The following ZBTB7C variants were observed in gnomAD, a reference collection of about 807,000 sequenced individuals.
The protein encoded by ZBTB7C is zinc finger and BTB domain-containing protein 7C.
Under a neutral mutation model 25.7 loss-of-function variants are expected in ZBTB7C, and 8 were observed. The observed-to-expected ratio is 0.31, with a 90% CI of 0.18 to 0.56. ZBTB7C has a LOEUF of 0.56. ZBTB7C is among the 20% of genes least tolerant of loss of function. The pLI, the probability that ZBTB7C is intolerant of heterozygous loss-of-function variation, is 0.91. For synonymous variants in ZBTB7C, 394 were observed against 369.0 expected (o/e 1.07, Z -0.78); for missense variants, 824 against 855.2 (o/e 0.96, Z 0.46).
At chr18:48,240,635 C>A (rs1452992305) in intron 2 of ZBTB7C, among the ~76,000 whole-genome samples, 1 of 152,100 alleles carries the variant, frequency 6.6e-6, no homozygotes, top group African/African-American at 2.4e-5. Flanking sequence ...CTTTTTCAGA[C>A]AAACAAATGA....
At chr18:48,038,520 C>G (rs1289842577) in intron 4 of ZBTB7C, among the ~76,000 whole-genome samples, 2 of 151,596 alleles carry the variant, frequency 1.3e-5, no homozygotes, top group African/African-American at 4.8e-5. Context: ...CCCAGAAGAA[C>G]AGGTCTCATG....
chr18:48,320,569 C>A (rs1356680521), intron 2 of ZBTB7C, among the ~76,000 whole-genome samples: 5 of 152,134 alleles, frequency 3.3e-5, no homozygotes, highest in Admixed American at 3.3e-4. Context: ...GCGGCCAAAC[C>A]CCGGATATCA....
chr18:48,071,649 C>A (rs986872881), intron 3 of ZBTB7C, among the ~76,000 whole-genome samples: 3 of 152,124 alleles, frequency 2.0e-5, no homozygotes, highest in Non-Finnish European at 4.4e-5. Context: ...AGTACATAAT[C>A]AAAAATAATT....
rs550644590 is a variant in ZBTB7C at position 48,292,369 on chromosome 18, C to T, written c.-79+45805G>A. On this transcript the variant is annotated intron_variant, in intron 2 of 4. Coordinates refer to ENST00000590800, the MANE Select transcript of ZBTB7C (RefSeq NM_001318841.2). ...AAGCCACTTCCCCAAAGTCCTACCA[C>T]TACTAAGGATAGAGTGAGGTTCGAG... 3.5e-4 allele frequency among the ~76,000 whole-genome samples: 54 copies of T among 152,320 alleles called. No individual in the cohort carries two copies. In the South Asian group the frequency reaches 0.01, roughly 29 times the overall value.
At chr18:48,355,450 C>A (rs1440377309) in intron 1 of ZBTB7C, among the ~76,000 whole-genome samples, 1 of 152,222 alleles carries the variant, frequency 6.6e-6, no homozygotes, top group Non-Finnish European at 1.5e-5. Context: ...GAACTCCTCA[C>A]CCGAGCACTC....
chr18:48,377,577 A>G (rs1297660477), intron 1 of ZBTB7C, among the ~76,000 whole-genome samples: 1 of 152,216 alleles, frequency 6.6e-6, no homozygotes, highest in East Asian at 1.9e-4. Flanking sequence ...ATGACTAAAC[A>G]TTTGCAACTA....
intron 3 of ZBTB7C, among the ~76,000 whole-genome samples, chr18:48,091,442 G>A (rs1268382975): frequency 5.9e-5 from 9 of 151,964 alleles, no homozygotes; most frequent in African/African-American, 2.2e-4. Flanking sequence ...TTTAAACTAA[G>A]TTTTTGAAAT....
chr18:48,256,264 C>A (rs1319701021), intron 2 of ZBTB7C, among the ~76,000 whole-genome samples: 1 of 151,704 alleles, frequency 6.6e-6, no homozygotes, highest in African/African-American at 2.4e-5. Flanking sequence ...TTAAAAGCAA[C>A]CAGGGTGAGT....
intron 1 of ZBTB7C, among the ~76,000 whole-genome samples, chr18:48,382,873 G>T (rs1436398297): frequency 6.6e-6 from 1 of 152,204 alleles, no homozygotes; most frequent in Admixed American, 6.5e-5. Context: ...CTGACCAGGA[G>T]TTAACATTCG....
At chr18:48,061,559 C>T (rs1391887117) in intron 3 of ZBTB7C, among the ~76,000 whole-genome samples, 2 of 152,198 alleles carry the variant, frequency 1.3e-5, no homozygotes, top group Non-Finnish European at 2.9e-5. Flanking sequence ...ATGAGTTTCA[C>T]GCACATATAT....
intron 3 of ZBTB7C, among the ~76,000 whole-genome samples, chr18:48,161,408 G>C (rs2041023731): frequency 6.6e-6 from 1 of 152,070 alleles, no homozygotes. Context: ...GCCGGGATGA[G>C]AGGAAACTGT....
chr18:48,042,619 G>A (rs1171675483), intron 3 of ZBTB7C, among the ~76,000 whole-genome samples: 1 of 152,196 alleles, frequency 6.6e-6, no homozygotes, highest in East Asian at 1.9e-4. Context: ...CATGGAGGAT[G>A]CTGGGTGCCC....
chr18:48,137,105 G>C (rs2040195496), intron 3 of ZBTB7C: 2 of 985,472 alleles, frequency 2.0e-6, no homozygotes, highest in Non-Finnish European at 2.4e-6. Flanking sequence ...GCTCGCGGGA[G>C]CCTGCCGCAG....
intron 4 of ZBTB7C, among the ~76,000 whole-genome samples, chr18:48,033,151 T>C (rs2035835174): frequency 6.6e-6 from 1 of 152,266 alleles, no homozygotes; most frequent in Middle Eastern, 3.4e-3. Context: ...CACTTCCCAT[T>C]GTCCAGGGCA....
chr18:48,052,697 A>T (rs2036744952), intron 3 of ZBTB7C, among the ~76,000 whole-genome samples: 1 of 152,122 alleles, frequency 6.6e-6, no homozygotes, highest in Non-Finnish European at 1.5e-5. Flanking sequence ...CCTCTGGGGG[A>T]GGAATTATAG....
At position 48,028,803 on chromosome 18, in the gene ZBTB7C, A is replaced by G. The variant is rs1234980389; in HGVS notation, c.*457T>C. 1.9e-5 allele frequency: 3 copies of G among 157,434 alleles called. No homozygotes were observed. The Admixed American group carries it at 2.0e-4, about 10-fold the overall frequency. The allele number at this position is 157,434 out of a possible 1,614,324, so 9.8% of individuals were successfully genotyped here. On this transcript the variant is annotated 3_prime_UTR_variant, in exon 5 of 5. Transcript: ENST00000590800. ...AGACCCCGGGGCCACTGGAGACTGG[A>G]AAATGAGCCCTCAGAGGAGTGTTGG... is the stretch of plus-strand genomic sequence containing the variant.
chr18:48,407,624 G>A (rs1206864300), intron 1 of ZBTB7C, among the ~76,000 whole-genome samples: 1 of 152,216 alleles, frequency 6.6e-6, no homozygotes, highest in African/African-American at 2.4e-5. Flanking sequence ...AGCCACTGTA[G>A]CAGGTCACTT....
At chr18:48,360,196 C>T (rs1177616922) in intron 1 of ZBTB7C, among the ~76,000 whole-genome samples, 4 of 152,194 alleles carry the variant, frequency 2.6e-5, no homozygotes, top group African/African-American at 9.7e-5. Context: ...ACTAAATGGA[C>T]CAATTCAATT....
intron 1 of ZBTB7C, among the ~76,000 whole-genome samples, chr18:48,381,594 C>A (rs891149047): frequency 5.3e-5 from 8 of 152,186 alleles, no homozygotes; most frequent in African/African-American, 1.9e-4. Flanking sequence ...ATATTTATTT[C>A]ACCAAAATTA....
Sources: allele counts gnomAD v4.1 joint callset (sites outside exome capture counted in the v4.1 genomes callset), GRCh38; gene constraint gnomAD v4.1.1; transcripts MANE v1.5; gene names NCBI Gene and HGNC (gene_info 2026-07-23, HGNC 2026-07-21).